Variants in ABI1 observed in about 807,000 individuals in gnomAD.
The protein encoded by ABI1 is abl interactor 1.
In ABI1, 14 loss-of-function variants were observed where a neutral mutation model predicts 54.6. The observed-to-expected ratio is 0.26, with a 90% CI of 0.17 to 0.40. ABI1 has a LOEUF of 0.40. Ranked by LOEUF, ABI1 falls within the 10% of genes least tolerant of loss-of-function variation. The pLI is 1.00. For missense variants in ABI1, 443 were observed against 598.3 expected, an observed-to-expected ratio of 0.74 and a Z score of 2.71; for synonymous variants, 194 against 209.3, an observed-to-expected ratio of 0.93 and a Z score of 0.63.
At chr10:26,840,405 A>G (rs10829096) in intron 1 of ABI1, among the ~76,000 whole-genome samples, 38,267 of 152,096 alleles carry the variant, frequency 0.25, 5,388 homozygotes, top group South Asian at 0.44. Context: ...GCAGAACCAC[A>G]AGTCAAATAA....
chr10:26,842,029 A>G (rs138568779), intron 1 of ABI1, among the ~76,000 whole-genome samples: 2,413 of 152,240 alleles, frequency 0.016, 47 homozygotes, highest in African/African-American at 0.049. Flanking sequence ...TCATGGCTGT[A>G]CCAATCCACA....
intron 5 of ABI1, among the ~76,000 whole-genome samples, chr10:26,769,847 T>C (rs1840442971): frequency 6.6e-6 from 1 of 152,200 alleles, no homozygotes; most frequent in South Asian, 2.1e-4. Flanking sequence ...AGAAGAGCTG[T>C]GGACTAAGCC....
intron 8 of ABI1, among the ~76,000 whole-genome samples, chr10:26,758,664 G>A (rs1998634): frequency 0.58 from 87,448 of 152,056 alleles, 27,067 homozygotes; most frequent in African/African-American, 0.82. Flanking sequence ...ATATTAATTT[G>A]AAGGAAAACT....
At chr10:26,776,346 G>T (rs931237608) in intron 3 of ABI1, among the ~76,000 whole-genome samples, 2 of 152,142 alleles carry the variant, frequency 1.3e-5, no homozygotes, top group African/African-American at 4.8e-5. Flanking sequence ...AAAATATTCT[G>T]AAGACCAGAA....
chr10:26,753,421 T>C (rs1837884322), intron 9 of ABI1, among the ~76,000 whole-genome samples: 1 of 152,208 alleles, frequency 6.6e-6, no homozygotes, highest in Admixed American at 6.5e-5. Flanking sequence ...GTACCTTGCA[T>C]TTACTCTTGA....
chr10:26,757,269 A>T (rs958585821), intron 8 of ABI1, among the ~76,000 whole-genome samples: 8 of 152,188 alleles, frequency 5.3e-5, no homozygotes, highest in African/African-American at 1.9e-4. Flanking sequence ...AATTTGACAA[A>T]ACATAATAAT....
At position 26,823,288 on chromosome 10, in the gene ABI1, T is replaced by C. The variant is rs1420077791; in HGVS notation, c.135A>G (p.Lys45=). Reference sequence around the variant, plus strand: ...TATAGGCTTTGGTCTCCTCTAAAGCTTTTCTCTTGTCTGTAGCCTGAAATA... The same window carrying C: ...TATAGGCTTTGGTCTCCTCTAAAGCCTTTCTCTTGTCTGTAGCCTGAAATA... ...NNYIQATDKR[K]ALEETKAYTT... Residue 45 remains lysine (K), a synonymous_variant, in exon 2 of 11, where the codon AAA becomes AAG. Transcript: ENST00000376140. The C allele has an allele frequency of 1.3e-6, 2 of 1,536,864 alleles. No homozygotes were observed. Among genetic ancestry groups the C allele is most frequent in the South Asian group, 1.3e-5 (1 of 75,364 alleles).
At chr10:26,770,762 C>G (rs930029430) in intron 4 of ABI1, among the ~76,000 whole-genome samples, 1 of 152,164 alleles carries the variant, frequency 6.6e-6, no homozygotes, top group Admixed American at 6.5e-5. Flanking sequence ...AACAAAGTCA[C>G]ATATGATGTC....
chr10:26,807,730 G>C (rs1436192313), intron 2 of ABI1, among the ~76,000 whole-genome samples: 1 of 152,126 alleles, frequency 6.6e-6, no homozygotes, highest in Non-Finnish European at 1.5e-5. Flanking sequence ...TGCCCTCTGG[G>C]TCACAAGCTA....
At chr10:26,813,945 T>C (rs1439347792) in intron 2 of ABI1, among the ~76,000 whole-genome samples, 1 of 152,204 alleles carries the variant, frequency 6.6e-6, no homozygotes, top group South Asian at 2.1e-4. Context: ...AGATCCTCAA[T>C]AATTTAAGAT....
intron 8 of ABI1, among the ~76,000 whole-genome samples, chr10:26,757,109 T>C (rs1838415498): frequency 6.6e-6 from 1 of 152,088 alleles, no homozygotes; most frequent in Non-Finnish European, 1.5e-5. Flanking sequence ...GGTTAGTATG[T>C]AATGAAAAAG....
intron 6 of ABI1, among the ~76,000 whole-genome samples, chr10:26,765,835 C>A (rs1839889261): frequency 6.6e-6 from 1 of 152,144 alleles, no homozygotes; most frequent in Admixed American, 6.6e-5. Context: ...CTCAACCTAT[C>A]TGGAACCAAT....
At chr10:26,841,645 T>A (rs1356508565) in intron 1 of ABI1, among the ~76,000 whole-genome samples, 4 of 135,744 alleles carry the variant, frequency 2.9e-5, no homozygotes, top group Non-Finnish European at 4.6e-5. Flanking sequence ...TATATTTGAC[T>A]CTTTTTTTTT....
intron 8 of ABI1, 85 bp downstream of exon 8, chr10:26,758,977 T>C (rs1838736482): frequency 1.5e-6 from 2 of 1,303,114 alleles, no homozygotes; most frequent in Non-Finnish European, 2.1e-6. Context: ...AATTGTTGTC[T>C]ATCACTGGCA....
intron 6 of ABI1, 21 bp from the exon 7 acceptor site, chr10:26,765,339 T>A (rs755178978): frequency 2.0e-6 from 3 of 1,487,908 alleles, no homozygotes. Context: ...AAAAAAAAAC[T>A]GTGAAAAACC....
intron 3 of ABI1, among the ~76,000 whole-genome samples, chr10:26,772,193 A>C (rs548494096): frequency 6.6e-6 from 1 of 152,234 alleles, no homozygotes; most frequent in South Asian, 2.1e-4. Context: ...TCTGGAAACA[A>C]CATCTGGTAC....
intron 1 of ABI1, among the ~76,000 whole-genome samples, chr10:26,846,342 C>CTT (rs139282236): frequency 2.2e-5 from 3 of 139,454 alleles, no homozygotes; most frequent in Non-Finnish European, 4.6e-5. Flanking sequence ...TTTCTCTTTT[C>CTT]TTTTTTTTTT....
intron 1 of ABI1, among the ~76,000 whole-genome samples, chr10:26,856,656 T>C (rs2050844404): frequency 6.6e-6 from 1 of 152,154 alleles, no homozygotes; most frequent in South Asian, 2.1e-4. Flanking sequence ...ATCCCCTTCA[T>C]ACTCCTAGGC....
intron 2 of ABI1, among the ~76,000 whole-genome samples, chr10:26,785,217 A>G (rs1158682246): frequency 6.6e-6 from 1 of 152,252 alleles, no homozygotes; most frequent in Non-Finnish European, 1.5e-5. Flanking sequence ...CCAAGAAGGT[A>G]TAGAAATGAA....
Sources: allele counts gnomAD v4.1 joint callset (sites outside exome capture counted in the v4.1 genomes callset), GRCh38; gene constraint gnomAD v4.1.1; transcripts MANE v1.5; gene names NCBI Gene and HGNC (gene_info 2026-07-23, HGNC 2026-07-21).